CARF: variants seen among roughly 807,000 people sequenced by gnomAD.
CARF encodes calcium responsive transcription factor.
A neutral mutation model predicts 82.0 loss-of-function variants in CARF; 57 were observed. The ratio of observed to expected loss-of-function variants is 0.70; its 90% CI spans 0.56 to 0.87. CARF has a LOEUF of 0.87. CARF is among the 40% of genes least tolerant of loss of function. CARF has a pLI of 0.00. For missense variants in CARF, 771 were observed against 855.8 expected (o/e 0.90, Z 1.24); for synonymous variants, 268 against 290.1 (o/e 0.92, Z 0.77).
chr2:202,982,411 A>G lies in CARF; in HGVS notation c.2029A>G (p.Ile677Val), dbSNP rs746661794. 3 of 1,614,136 alleles carry G rather than the reference A, an allele frequency of 1.9e-6. No individual in the cohort carries two copies. The highest frequency in any genetic ancestry group is 2.7e-5 in the African/African-American group (2 of 75,052). ...ILLGDVQTIP[I>V]QIIDNHSALI... ...GTTGGGAGATGTGCAGACTATTCCAATACAGATTATAGACAACCACTCAGC... is the reference window on the plus strand; with the variant it reads ...GTTGGGAGATGTGCAGACTATTCCAGTACAGATTATAGACAACCACTCAGC... Residue 677 changes from isoleucine (I) to valine (V), a missense_variant, in exon 16 of 17, where the codon ATA (isoleucine) becomes GTA (valine). Ile to Val is a conservative substitution (Grantham distance 29). Coordinates refer to ENST00000438828, the MANE Select transcript of CARF (RefSeq NM_024744.17).
chr2:202,975,229 G>T lies in CARF; in HGVS notation c.1494+733G>T, dbSNP rs147383841. Among the ~76,000 whole-genome samples the T allele has an allele frequency of 3.5e-3, 528 of 152,324 alleles. 1 individual carries two copies. Among genetic ancestry groups the T allele is most frequent in the Non-Finnish European group, 6.1e-3 (414 of 68,030 alleles). ...CCAGCACTTTGGGAGGCTGAGATGGGCAGATCACAAGGTCAGAAGATAAAG... is the reference window on the plus strand; with the variant it reads ...CCAGCACTTTGGGAGGCTGAGATGGTCAGATCACAAGGTCAGAAGATAAAG... On this transcript the variant is annotated intron_variant, in intron 13 of 16. Transcript: ENST00000438828.
At position 202,917,997 on chromosome 2, in the gene CARF, G is replaced by A. The variant is rs1041871325; in HGVS notation, c.-209G>A. The A allele has an allele frequency of 6.7e-6, 3 of 451,060 alleles. No individual in the cohort carries two copies. The highest frequency in any genetic ancestry group is 8.9e-6 in the Non-Finnish European group (2 of 225,174). The allele number at this position is 451,060 out of a possible 1,614,324, so 27.9% of individuals were successfully genotyped here. A position where few individuals can be genotyped will look rare whatever the true frequency, so the allele number is the denominator to read the frequency against. ...ACAAGAAAGGACATTTCTGGGGGTA[G>A]TAGAATGCTTGAGGCCTGGAATTTA... On this transcript the variant is annotated 5_prime_UTR_variant, in exon 2 of 17. Transcript: ENST00000438828.
intron 16 of CARF, 133 bp downstream of exon 16, chr2:202,982,574 G>C: frequency 1.1e-6 from 1 of 905,886 alleles, no homozygotes; most frequent in East Asian, 2.8e-5. Flanking sequence ...AAAATTATGA[G>C]AGAGAAGGAG....
rs1283733605 is a variant in CARF at position 202,986,867 on chromosome 2, CGTATATATATATATATAT to C, written c.*3244_*3261del. 260 of 56,702 alleles carry C rather than the reference CGTATATATATATATATAT, an allele frequency of 4.6e-3. 2 individuals carry two copies. In the South Asian group the frequency reaches 0.062, roughly 13 times the overall value. 3.5% of individuals were successfully genotyped at this position (56,702 alleles called of 1,614,324 possible). Reference sequence around the variant, plus strand: ...AAAAGAGGTTTAAAAAATGTCTGTGCGTATATATATATATATATATATATATATATATATATATATAGC... The same window carrying C: ...AAAAGAGGTTTAAAAAATGTCTGTGCATATATATATATATATATATATAGC... On this transcript the variant is annotated 3_prime_UTR_variant, in exon 17 of 17. Coordinates refer to ENST00000438828, the MANE Select transcript of CARF (RefSeq NM_024744.17).
At chr2:202,960,055 G>A (rs778493241) in intron 8 of CARF, among the ~76,000 whole-genome samples, 10 of 152,112 alleles carry the variant, frequency 6.6e-5, no homozygotes, top group Non-Finnish European at 1.0e-4. Flanking sequence ...GAAAATACAT[G>A]TCTTAACCAA....
chr2:202,964,365 A>C (rs557264341), intron 9 of CARF, among the ~76,000 whole-genome samples: 35 of 151,942 alleles, frequency 2.3e-4, no homozygotes, highest in Non-Finnish European at 4.7e-4. Flanking sequence ...CTGCAATCTC[A>C]ATCTCCTTGG....
intron 10 of CARF, among the ~76,000 whole-genome samples, chr2:202,968,083 T>A (rs2059626076): frequency 6.6e-6 from 1 of 152,200 alleles, no homozygotes; most frequent in South Asian, 2.1e-4. Flanking sequence ...GAAACACTTT[T>A]AGCATCACAT....
chr2:202,949,696 G>A (rs1468763616), intron 5 of CARF, among the ~76,000 whole-genome samples: 1 of 151,686 alleles, frequency 6.6e-6, no homozygotes, highest in Non-Finnish European at 1.5e-5. Flanking sequence ...GATTGCAGGT[G>A]CCTGCCACCA....
In CARF at chr2:202,983,620, C is replaced by T. The variant is rs1164753012; in HGVS notation, c.2174C>T (p.Thr725Ile). ...GTGGACTATAAGAAATTATCTGCTA[C>T]ATAAATTATTGAAGCTTTTCAGAAT... ...KTVDYKKLSA[T>I] is the part of the protein sequence containing the mutation. The change falls in exon 17 of 17, where the codon ACA becomes ATA. Residue 725 changes from threonine to isoleucine, a missense_variant. By Grantham distance (89) the Thr-to-Ile change is moderately conservative. Transcript: ENST00000438828. 1.9e-6 allele frequency: 3 copies of T among 1,562,726 alleles called. No homozygotes were observed. The highest frequency in any genetic ancestry group is 3.4e-5 in the Admixed American group (2 of 58,396).
intron 3 of CARF, among the ~76,000 whole-genome samples, chr2:202,933,314 A>C (rs558261383): frequency 4.7e-4 from 72 of 151,994 alleles, no homozygotes; most frequent in African/African-American, 1.7e-3. Context: ...AGCAAGACAC[A>C]CTCCAGCCGT....
In CARF at chr2:202,918,046, A is replaced by C. The variant is rs2105939406; in HGVS notation, c.-163+3A>C. 1 of 449,820 alleles carries C rather than the reference A, an allele frequency of 2.2e-6. No individual in the cohort carries two copies. Among genetic ancestry groups the C allele is most frequent in the Non-Finnish European group, 4.5e-6 (1 of 224,606 alleles). 27.9% of individuals were successfully genotyped at this position (449,820 alleles called of 1,614,324 possible). On this transcript the variant is annotated splice_donor_region_variant and intron_variant, in intron 2 of 16. Coordinates refer to ENST00000438828, the MANE Select transcript of CARF (RefSeq NM_024744.17). Reference sequence around the variant, plus strand: ...TAAACCTGAGCCACTATCTGAAGGTAATTTTTTTTAACTAATTGAAAGTAA... The same window carrying C: ...TAAACCTGAGCCACTATCTGAAGGTCATTTTTTTTAACTAATTGAAAGTAA...
At chr2:202,946,480 C>T (rs1300791916) in intron 5 of CARF, among the ~76,000 whole-genome samples, 2 of 152,182 alleles carry the variant, frequency 1.3e-5, no homozygotes, top group East Asian at 3.8e-4. Context: ...CTTCCTTACA[C>T]CTTATACAAA....
At chr2:202,959,442 CAT>C (rs2059204746) in intron 8 of CARF, among the ~76,000 whole-genome samples, 2 of 152,156 alleles carry the variant, frequency 1.3e-5, no homozygotes, top group Admixed American at 1.3e-4. Flanking sequence ...AAGGGGGAAA[CAT>C]ACATGGAGTC....
chr2:202,920,033 G>GATA (rs1690495491), intron 2 of CARF, among the ~76,000 whole-genome samples: 1 of 152,060 alleles, frequency 6.6e-6, no homozygotes, highest in Non-Finnish European at 1.5e-5. Flanking sequence ...ATAAAATGAT[G>GATA]ATAATAATAG....
rs199607480 is a variant in CARF at position 202,961,278 on chromosome 2, T to C, written c.684T>C (p.Thr228=). The C allele has an allele frequency of 1.9e-5, 31 of 1,614,072 alleles. No individual in the cohort carries two copies. In the African/African-American group the frequency reaches 3.7e-4, roughly 19 times the overall value. Residue 228 remains threonine (T), a synonymous_variant, in exon 9 of 17, where the codon ACT becomes ACC. Coordinates refer to ENST00000438828, the MANE Select transcript of CARF (RefSeq NM_024744.17). ...DSYRGYCVSE[T]ELESVLTFHK... ...ACCGTGGCTACTGTGTAAGTGAGACTGAATTAGAAAGTGTCCTAACATTTC... is the reference window on the plus strand; with the variant it reads ...ACCGTGGCTACTGTGTAAGTGAGACCGAATTAGAAAGTGTCCTAACATTTC...
intron 8 of CARF, among the ~76,000 whole-genome samples, chr2:202,957,076 A>G (rs984457375): frequency 1.3e-5 from 2 of 152,158 alleles, no homozygotes; most frequent in Non-Finnish European, 2.9e-5. Context: ...GGCATGAGCC[A>G]CCGCGCCCAG....
chr2:202,985,419 A>G lies in CARF; in HGVS notation c.*1795A>G, dbSNP rs2060401005. ...TTATATTTTATTTAATATAAAGTTT[A>G]TTATTTATACCCTTTTTAATGCAAA... On this transcript the variant is annotated 3_prime_UTR_variant, in exon 17 of 17. Transcript: ENST00000438828. The G allele has an allele frequency of 6.6e-6, 1 of 151,976 alleles. No individual in the cohort carries two copies. The highest frequency in any genetic ancestry group is 2.4e-5 in the African/African-American group (1 of 41,418). 9.4% of individuals were successfully genotyped at this position (151,976 alleles called of 1,614,324 possible).
chr2:202,944,295 T>C (rs1369999369), intron 5 of CARF, among the ~76,000 whole-genome samples: 3 of 152,228 alleles, frequency 2.0e-5, no homozygotes, highest in Non-Finnish European at 4.4e-5. Context: ...ATACTTAACA[T>C]AAGTAATACT....
At chr2:202,961,189 C>T in intron 8 of CARF, 48 bp from the exon 9 acceptor site, 1 of 1,407,056 alleles carries the variant, frequency 7.1e-7, no homozygotes, top group Non-Finnish European at 9.9e-7. Flanking sequence ...ATTTATTATG[C>T]AATGAAGTGT....
Sources: allele counts gnomAD v4.1 joint callset (sites outside exome capture counted in the v4.1 genomes callset), GRCh38; gene constraint gnomAD v4.1.1; transcripts MANE v1.5; gene names NCBI Gene and HGNC (gene_info 2026-07-23, HGNC 2026-07-21).